TTC28: variants seen among roughly 807,000 people sequenced by gnomAD.
The protein encoded by TTC28 is tetratricopeptide repeat protein 28.
In TTC28, 61 loss-of-function variants were observed where a neutral mutation model predicts 198.0. That is an observed-to-expected ratio of 0.31 (90% CI 0.25 to 0.38). The LOEUF (loss-of-function observed/expected upper bound fraction) is 0.38, where lower values mean the gene tolerates loss of function less well. Among genes scored for constraint, TTC28 ranks in the 10% least tolerant of loss-of-function variants. The probability of loss-of-function intolerance (pLI) is 1.00; values close to 1 mark genes in which losing one functional copy is unlikely to be tolerated. For synonymous variants in TTC28, 1,171 were observed against 1,297.8 expected (o/e 0.90, Z 2.10); for missense variants, 2,678 against 3,164.0 (o/e 0.85, Z 3.69).
chr22:28,401,976 C>G (rs1369656862), intron 2 of TTC28, among the ~76,000 whole-genome samples: 1 of 152,128 alleles, frequency 6.6e-6, no homozygotes, highest in Non-Finnish European at 1.5e-5. Flanking sequence ...AACCCAAGCT[C>G]TCCCTCCCAT....
rs974118042 is a variant in TTC28, at chr22:28,098,980, T to G, written c.3482A>C (p.Lys1161Thr). ...TGTCTGCAGGTCAAAGAGGGAGAGT[T>G]TGTAGTCCGTGCTCAGCTGTGCCTC... ...RHEAQLSTDY[K>T]LSLFDLQTSS... Residue 1161 changes from lysine (K) to threonine (T), a missense_variant, in exon 10 of 23, where the codon AAA (lysine) becomes ACA (threonine). Lys to Thr is a moderately conservative substitution (Grantham distance 78). Transcript: ENST00000397906. 5.2e-6 allele frequency: 8 copies of G among 1,551,674 alleles called. No homozygotes were observed. The African/African-American group carries it at 9.6e-5, about 19-fold the overall frequency.
chr22:28,653,397 C>T (rs189832331), intron 1 of TTC28, among the ~76,000 whole-genome samples: 106 of 151,738 alleles, frequency 7.0e-4, no homozygotes, highest in African/African-American at 2.3e-3. Flanking sequence ...CAGCTACTCA[C>T]GAAGCTGAGG....
At chr22:28,134,729 A>T (rs1404606077) in intron 6 of TTC28, among the ~76,000 whole-genome samples, 2 of 152,230 alleles carry the variant, frequency 1.3e-5, no homozygotes, top group Non-Finnish European at 2.9e-5. Flanking sequence ...TGACTGGTGT[A>T]CCTGAAAGTG....
intron 5 of TTC28, among the ~76,000 whole-genome samples, chr22:28,189,581 GA>G (rs1308022105): frequency 2.0e-5 from 3 of 148,998 alleles, no homozygotes; most frequent in Non-Finnish European, 4.5e-5. Context: ...AAACCAAAAA[GA>G]AAAAAAAGAC....
chr22:28,244,964 C>T (rs760007658), intron 5 of TTC28, among the ~76,000 whole-genome samples: 1 of 152,148 alleles, frequency 6.6e-6, no homozygotes, highest in Non-Finnish European at 1.5e-5. Flanking sequence ...CTTCATGTTG[C>T]TTGTGTCATG....
At chr22:28,543,212 C>T (rs1304185919) in intron 2 of TTC28, among the ~76,000 whole-genome samples, 1 of 151,956 alleles carries the variant, frequency 6.6e-6, no homozygotes, top group Non-Finnish European at 1.5e-5. Context: ...TGGTGGTGTT[C>T]ACCTTATAGT....
rs992624342 is a variant in TTC28 at position 28,237,499 on chromosome 22, A to G, written c.933+58699T>C. ...ATATTAACTGCTTTATGTATAATGT[A>G]AGAATCTTACAACGGTATGTACTTT... is the stretch of plus-strand genomic sequence containing the variant. On this transcript the variant is annotated intron_variant, in intron 5 of 22. Transcript: ENST00000397906. 3.3e-5 allele frequency among the ~76,000 whole-genome samples: 5 copies of G among 152,330 alleles called. No individual in the cohort carries two copies. The East Asian group carries it at 7.7e-4, about 23-fold the overall frequency.
chr22:28,394,684 G>A (rs2046786724), intron 2 of TTC28, among the ~76,000 whole-genome samples: 1 of 152,184 alleles, frequency 6.6e-6, no homozygotes. Context: ...GAGACAAACA[G>A]GGACAGTTTT....
intron 6 of TTC28, among the ~76,000 whole-genome samples, chr22:28,161,863 GAGGAAGGA>G (rs1170600829): frequency 9.3e-6 from 1 of 107,932 alleles, no homozygotes; most frequent in African/African-American, 3.6e-5. Context: ...AAGGAAGAAA[GAGGAAGGA>G]AGGAAGGGAG....
intron 2 of TTC28, among the ~76,000 whole-genome samples, chr22:28,377,744 C>A (rs1404792183): frequency 5.9e-5 from 9 of 151,986 alleles, no homozygotes. Flanking sequence ...AGCTCCACAA[C>A]AAAATTCAAA....
chr22:28,472,234 A>G (rs964709451), intron 2 of TTC28, among the ~76,000 whole-genome samples: 4 of 152,108 alleles, frequency 2.6e-5, no homozygotes, highest in African/African-American at 9.7e-5. Context: ...TGATTTCCCT[A>G]TCACTCTTCT....
intron 15 of TTC28, chr22:27,999,731 T>C (rs910045422): frequency 3.1e-5 from 5 of 158,974 alleles, no homozygotes; most frequent in African/African-American, 1.2e-4. Flanking sequence ...TTAAGTCCTT[T>C]AAGAAGCTCT....
intron 12 of TTC28, among the ~76,000 whole-genome samples, chr22:28,088,765 C>G (rs1941712568): frequency 6.6e-6 from 1 of 152,196 alleles, no homozygotes; most frequent in Non-Finnish European, 1.5e-5. Context: ...ACCTACTCAT[C>G]TGACAAAGGG....
rs144270652 is a variant in TTC28, at chr22:28,080,531, T to TTTGTTGTTGTTGTTG, written c.3932+13534_3932+13548dup. ...TCCTTTGCCCATTTTTAAATTGGAT[T>TTTGTTGTTGTTGTTG]TTGTTGTTGTTGTTGTTGTTGTTGT... On this transcript the variant is annotated intron_variant, in intron 12 of 22. Transcript: ENST00000397906. Among the ~76,000 whole-genome samples, 138 of 152,008 alleles carry TTTGTTGTTGTTGTTG rather than the reference T, an allele frequency of 9.1e-4. 2 individuals are homozygous for TTTGTTGTTGTTGTTG. Among genetic ancestry groups the TTTGTTGTTGTTGTTG allele is most frequent in the Admixed American group, 6.9e-3 (106 of 15,260 alleles).
chr22:28,586,512 T>C (rs1364392562), intron 2 of TTC28, among the ~76,000 whole-genome samples: 1 of 152,068 alleles, frequency 6.6e-6, no homozygotes, highest in Non-Finnish European at 1.5e-5. Flanking sequence ...AATGTATACA[T>C]ATTTATAGTA....
intron 2 of TTC28, among the ~76,000 whole-genome samples, chr22:28,391,399 AC>A (rs1460734891): frequency 6.6e-6 from 1 of 152,070 alleles, no homozygotes; most frequent in Non-Finnish European, 1.5e-5. Flanking sequence ...GCCTTGCTAG[AC>A]TGGGGAAGTT....
At chr22:28,405,284 T>G (rs2046982774) in intron 2 of TTC28, among the ~76,000 whole-genome samples, 1 of 152,218 alleles carries the variant, frequency 6.6e-6, no homozygotes, top group Admixed American at 6.5e-5. Flanking sequence ...GCATTAAAAA[T>G]ATTAAAATCT....
intron 12 of TTC28, among the ~76,000 whole-genome samples, chr22:28,083,536 C>A (rs1941442436): frequency 6.6e-6 from 1 of 152,172 alleles, no homozygotes; most frequent in South Asian, 2.1e-4. Context: ...AGCAGTGGAG[C>A]CAAGATGGCC....
intron 2 of TTC28, among the ~76,000 whole-genome samples, chr22:28,434,284 T>A (rs1451388105): frequency 6.6e-6 from 1 of 152,216 alleles, no homozygotes; most frequent in Non-Finnish European, 1.5e-5. Context: ...AATTCATGCT[T>A]GTGATAATAA....
Sources: allele counts gnomAD v4.1 joint callset (sites outside exome capture counted in the v4.1 genomes callset), GRCh38; gene constraint gnomAD v4.1.1; transcripts MANE v1.5; gene names NCBI Gene and HGNC (gene_info 2026-07-23, HGNC 2026-07-21).